Variants in TG observed in about 807,000 individuals in gnomAD.
The protein encoded by TG is thyroid hormones.
TG carries 270 observed loss-of-function variants against 324.7 expected under a neutral mutation model. That is an observed-to-expected ratio of 0.83 (90% CI 0.75 to 0.92). TG has a LOEUF of 0.92. TG is among the 40% of genes least tolerant of loss of function. The pLI is 0.00. For synonymous variants in TG, 1,401 were observed against 1,327.0 expected (o/e 1.06, Z -1.21); for missense variants, 3,591 against 3,456.4 (o/e 1.04, Z -0.98).
At chr8:132,876,066 G>A (rs1813745853) in intron 5 of TG, among the ~76,000 whole-genome samples, 1 of 152,150 alleles carries the variant, frequency 6.6e-6, no homozygotes, top group East Asian at 1.9e-4. Context: ...GTGAAGCTTG[G>A]GGTTGGGGAA....
At position 132,966,766 on chromosome 8, in the gene TG, C is replaced by A. The variant is rs1828623105; in HGVS notation, c.5686+69C>A. 5 of 1,606,810 alleles carry A rather than the reference C, an allele frequency of 3.1e-6. No individual in the cohort carries two copies. In the Admixed American group the frequency reaches 6.7e-5, roughly 21 times the overall value. Reference sequence around the variant, plus strand: ...GTCAGGCATCACAGGCCAAGTCTGGCAACTCCTGAGACACAGATAAGGCCA... The same window carrying A: ...GTCAGGCATCACAGGCCAAGTCTGGAAACTCCTGAGACACAGATAAGGCCA... On this transcript the variant is annotated intron_variant, in intron 30 of 47. Transcript: ENST00000220616.
intron 43 of TG, among the ~76,000 whole-genome samples, chr8:133,097,970 AG>A (rs530528952): frequency 2.0e-5 from 3 of 152,178 alleles, no homozygotes; most frequent in East Asian, 1.9e-4. Flanking sequence ...GTGTGTTGCA[AG>A]GGGGGGTGTC....
At chr8:132,872,201 G>C (rs368837597) in intron 4 of TG, among the ~76,000 whole-genome samples, 1 of 152,034 alleles carries the variant, frequency 6.6e-6, no homozygotes, top group African/African-American at 2.4e-5. Flanking sequence ...AATATTGGCC[G>C]GGCGCGGTGG....
chr8:133,040,117 G>A (rs746431495), intron 41 of TG: 1 of 1,576,616 alleles, frequency 6.3e-7, no homozygotes. Context: ...CACAGCACAG[G>A]CCATCAGCCA....
rs376711807 is a variant in TG at position 133,070,029 on chromosome 8, A to AAAAAAAAAAAAAAAAAAAC, written c.7240-25014_7240-25013insAAAAAAAAAAAAAAAAACA. Among the ~76,000 whole-genome samples, 8 of 109,812 alleles carry AAAAAAAAAAAAAAAAAAAC rather than the reference A, an allele frequency of 7.3e-5. 1 individual carries two copies. Among genetic ancestry groups the AAAAAAAAAAAAAAAAAAAC allele is most frequent in the African/African-American group, 3.1e-4 (8 of 25,790 alleles). The allele number at this position is 109,812 out of a possible 152,430, so 72.0% of individuals were successfully genotyped here. A position where few individuals can be genotyped will look rare whatever the true frequency, so the allele number is the denominator to read the frequency against. ...AAAAAAAAAAAAAAAAAAAAAAAGA[A>AAAAAAAAAAAAAAAAAAAC]AGAAAGAAAGAAAAGAAAAGAAGAA... On this transcript the variant is annotated intron_variant, in intron 41 of 47. Transcript: ENST00000220616.
chr8:132,904,064 C>G (rs1007465812), intron 16 of TG, among the ~76,000 whole-genome samples: 1 of 152,206 alleles, frequency 6.6e-6, no homozygotes, highest in Non-Finnish European at 1.5e-5. Context: ...TGGGCATTAG[C>G]CTGGTAGCTC....
In TG at chr8:132,968,541, C is replaced by T. The variant is rs1404546930; in HGVS notation, c.5863+571C>T. ...ACAGTCTGTTTTCTCCAGATGTTGT[C>T]ACCTTTCATTTACTGTTCTATCTTC... On this transcript the variant is annotated intron_variant, in intron 31 of 47. Coordinates refer to ENST00000220616, the MANE Select transcript of TG (RefSeq NM_003235.5). Among the ~76,000 whole-genome samples, 6 of 152,150 alleles carry T rather than the reference C, an allele frequency of 3.9e-5. No individual in the cohort carries two copies. The South Asian group carries it at 1.0e-3, about 26-fold the overall frequency.
chr8:133,017,259 CT>C (rs1169038279), intron 37 of TG, among the ~76,000 whole-genome samples: 5,777 of 136,732 alleles, frequency 0.042, 247 homozygotes, highest in African/African-American at 0.13. Context: ...TCCTAAAAGT[CT>C]TTTTTTTTTT....
chr8:133,129,162 A>G (rs1400062753), intron 45 of TG, among the ~76,000 whole-genome samples: 3 of 152,182 alleles, frequency 2.0e-5, no homozygotes, highest in South Asian at 2.1e-4. Flanking sequence ...AAACTGCTCA[A>G]AATAACTCCT....
chr8:132,993,478 A>G (rs1832579227), intron 35 of TG, among the ~76,000 whole-genome samples: 1 of 152,246 alleles, frequency 6.6e-6, no homozygotes, highest in Non-Finnish European at 1.5e-5. Context: ...TAAAAGAGAT[A>G]TTATACATAA....
At chr8:133,045,188 C>G in intron 41 of TG, 4 of 1,556,700 alleles carry the variant, frequency 2.6e-6, no homozygotes, top group Non-Finnish European at 3.5e-6. Flanking sequence ...ACCAGCCCAC[C>G]ACCACTGAGG....
chr8:132,923,845 A>G (rs936177378), intron 22 of TG, among the ~76,000 whole-genome samples: 2 of 152,072 alleles, frequency 1.3e-5, no homozygotes, highest in African/African-American at 4.8e-5. Flanking sequence ...AGGCAGCTTG[A>G]CTTCACTAAT....
In TG at chr8:133,134,832, G is replaced by A. The variant is rs759528154; in HGVS notation, c.*38G>A. Reference sequence around the variant, plus strand: ...CTCCCCAAAAACCTCACCCGAGGCTGCCCACTATGGTCATCTTTTTCTCTA... The same window carrying A: ...CTCCCCAAAAACCTCACCCGAGGCTACCCACTATGGTCATCTTTTTCTCTA... On this transcript the variant is annotated 3_prime_UTR_variant, in exon 48 of 48. Transcript: ENST00000220616. 26 of 1,522,170 alleles carry A rather than the reference G, an allele frequency of 1.7e-5. No homozygotes were observed. Among genetic ancestry groups the A allele is most frequent in the Non-Finnish European group, 2.0e-5 (22 of 1,096,402 alleles). The allele number at this position is 1,522,170 out of a possible 1,614,324, so 94.3% of individuals were successfully genotyped here.
chr8:132,923,914 G>T (rs1321968416), intron 22 of TG, among the ~76,000 whole-genome samples: 2 of 152,068 alleles, frequency 1.3e-5, no homozygotes, highest in African/African-American at 4.8e-5. Context: ...AACCTTTTTG[G>T]CATCAAGGAT....
chr8:132,998,597 G>C (rs781326079), intron 35 of TG, among the ~76,000 whole-genome samples: 19 of 152,224 alleles, frequency 1.2e-4, no homozygotes, highest in Admixed American at 4.6e-4. Context: ...TTGGTTGGAT[G>C]ATGAGCCACT....
At chr8:133,131,977 TC>T in intron 46 of TG, 31 bp downstream of exon 46, 1 of 1,613,824 alleles carries the variant, frequency 6.2e-7, no homozygotes, top group Non-Finnish European at 8.5e-7. Context: ...CAGAATTCTG[TC>T]ACTGTGCTTT....
At chr8:132,892,906 T>TGTGTG (rs1003047958) in intron 10 of TG, among the ~76,000 whole-genome samples, 4 of 146,836 alleles carry the variant, frequency 2.7e-5, no homozygotes, top group African/African-American at 1.0e-4. Flanking sequence ...TGTGCATGTG[T>TGTGTG]GTGTGGTGTG....
At chr8:132,997,257 G>A (rs1006033567) in intron 35 of TG, among the ~76,000 whole-genome samples, 7 of 152,204 alleles carry the variant, frequency 4.6e-5, no homozygotes, top group African/African-American at 1.7e-4. Flanking sequence ...AGGGGAACCA[G>A]TGGAAGAATG....
intron 41 of TG, among the ~76,000 whole-genome samples, chr8:133,062,340 C>A (rs1842482637): frequency 1.3e-5 from 2 of 152,228 alleles, no homozygotes; most frequent in African/African-American, 4.8e-5. Context: ...GATACATTGG[C>A]CTTGTCTCCA....
Sources: gnomAD v4.1 joint callset for allele counts (sites outside exome capture counted in the v4.1 genomes callset) on GRCh38, gnomAD v4.1.1 for gene constraint, MANE v1.5 for transcripts, NCBI Gene and HGNC (gene_info 2026-07-23, HGNC 2026-07-21) for gene names.